Variants in COL8A1 observed in about 807,000 individuals in gnomAD.
COL8A1 encodes collagen type VIII alpha 1 chain.
Under a neutral mutation model 42.7 loss-of-function variants are expected in COL8A1, and 21 were observed. The observed-to-expected ratio is 0.49, with a 90% confidence interval of 0.35 to 0.71. COL8A1 has a LOEUF of 0.71. Ranked by LOEUF, COL8A1 falls within the 30% of genes least tolerant of loss-of-function variation. COL8A1 has a pLI of 0.01. For missense variants in COL8A1, 788 were observed against 962.4 expected, an observed-to-expected ratio of 0.82 and a Z score of 2.40; for synonymous variants, 367 against 369.1, an observed-to-expected ratio of 0.99 and a Z score of 0.06.
At chr3:99,669,146 T>TATATATATATATATATATATAG in intron 1 of COL8A1, among the ~76,000 whole-genome samples, 17 of 115,380 alleles carry the variant, frequency 1.5e-4, no homozygotes, top group East Asian at 6.2e-4. Flanking sequence ...TATATATATA[T>TATATATATATATATATATATAG]AGAGGGAGAG....
chr3:99,772,537 T>G (rs903754745), intron 2 of COL8A1, among the ~76,000 whole-genome samples: 3 of 151,880 alleles, frequency 2.0e-5, no homozygotes, highest in Non-Finnish European at 4.4e-5. Context: ...ATGGGGGAGG[T>G]TGTGCCAGTG....
intron 1 of COL8A1, among the ~76,000 whole-genome samples, chr3:99,738,868 T>C (rs1234977356): frequency 3.3e-5 from 5 of 152,138 alleles, no homozygotes; most frequent in Non-Finnish European, 7.4e-5. Flanking sequence ...GTGCTAGCAA[T>C]CAGCGAGATT....
chr3:99,720,418 A>G (rs1429789520), intron 1 of COL8A1, among the ~76,000 whole-genome samples: 1 of 152,168 alleles, frequency 6.6e-6, no homozygotes, highest in Non-Finnish European at 1.5e-5. Flanking sequence ...TTCATTTAAT[A>G]TGTTATTGTA....
intron 1 of COL8A1, among the ~76,000 whole-genome samples, chr3:99,718,151 G>A (rs937146442): frequency 1.3e-5 from 2 of 151,938 alleles, no homozygotes; most frequent in South Asian, 2.1e-4. Context: ...AGCACCTGTA[G>A]TCCCCAAGAC....
intron 1 of COL8A1, among the ~76,000 whole-genome samples, chr3:99,696,404 G>C (rs184332413): frequency 6.6e-6 from 1 of 152,120 alleles, no homozygotes; most frequent in Non-Finnish European, 1.5e-5. Context: ...ATCTGCTAGG[G>C]GCCCCTACCA....
At chr3:99,730,332 G>A (rs1306226507) in intron 1 of COL8A1, among the ~76,000 whole-genome samples, 1 of 152,118 alleles carries the variant, frequency 6.6e-6, no homozygotes, top group African/African-American at 2.4e-5. Flanking sequence ...AACTGGTGAA[G>A]ATAGGCTATG....
intron 1 of COL8A1, among the ~76,000 whole-genome samples, chr3:99,670,360 A>T (rs1938505984): frequency 6.6e-6 from 1 of 152,090 alleles, no homozygotes; most frequent in South Asian, 2.1e-4. Flanking sequence ...CAGACCTAAT[A>T]ATAGTCAAAT....
intron 1 of COL8A1, among the ~76,000 whole-genome samples, chr3:99,676,250 T>G (rs1217547134): frequency 1.3e-5 from 2 of 152,086 alleles, no homozygotes; most frequent in Non-Finnish European, 2.9e-5. Context: ...GAAGATGAAA[T>G]AACACCAATT....
In COL8A1 at chr3:99,795,892, C is replaced by T. The variant is rs1942098500; in HGVS notation, c.1991C>T (p.Ala664Val). Residue 664 changes from alanine (A) to valine (V), a missense_variant, in exon 4 of 4, where the codon GCA (alanine) becomes GTA (valine). Physicochemically the swap from Ala to Val is moderately conservative, Grantham distance 64 (BLOSUM62 0). Coordinates refer to ENST00000652472, the MANE Select transcript of COL8A1 (RefSeq NM_020351.4). Reference protein sequence around the residue: ...TCEVPGVYYFAYHVHCKGGNV... With the variant: ...TCEVPGVYYFVYHVHCKGGNV... Reference sequence around the variant, plus strand: ...GAGGTCCCTGGTGTCTACTACTTTGCATACCACGTTCACTGCAAGGGGGGC... The same window carrying T: ...GAGGTCCCTGGTGTCTACTACTTTGTATACCACGTTCACTGCAAGGGGGGC... The T allele has an allele frequency of 6.2e-7, 1 of 1,614,080 alleles. No homozygotes were observed. The highest frequency in any genetic ancestry group is 1.7e-5 in the Admixed American group (1 of 60,008).
At position 99,682,534 on chromosome 3, in the gene COL8A1, T is replaced by C. The variant is rs538778997; in HGVS notation, c.-129+43870T>C. ...CATGTTACATCATGATTCTGTATTA[T>C]AAATATTTTAAATCCTTATAAGGTT... is the stretch of plus-strand genomic sequence containing the variant. On this transcript the variant is annotated intron_variant, in intron 1 of 3. Coordinates refer to ENST00000652472, the MANE Select transcript of COL8A1 (RefSeq NM_020351.4). Among the ~76,000 whole-genome samples the C allele has an allele frequency of 9.2e-5, 14 of 152,180 alleles. No homozygotes were observed. In the South Asian group the frequency reaches 1.4e-3, roughly 16 times the overall value.
chr3:99,661,835 A>G (rs1393910247), intron 1 of COL8A1, among the ~76,000 whole-genome samples: 1 of 152,234 alleles, frequency 6.6e-6, no homozygotes, highest in East Asian at 1.9e-4. Context: ...GCTTGAGGAC[A>G]TTATGCAAAG....
At chr3:99,728,710 T>C (rs141612634) in intron 1 of COL8A1, among the ~76,000 whole-genome samples, 1 of 150,096 alleles carries the variant, frequency 6.7e-6, no homozygotes, top group African/African-American at 2.5e-5. Context: ...ATTAATTAAT[T>C]GTATGGTTAA....
At chr3:99,689,583 G>A (rs1939158128) in intron 1 of COL8A1, among the ~76,000 whole-genome samples, 1 of 152,042 alleles carries the variant, frequency 6.6e-6, no homozygotes, top group African/African-American at 2.4e-5. Flanking sequence ...TATTTATTTG[G>A]AATTTATCTT....
At chr3:99,733,464 C>T (rs1417499448) in intron 1 of COL8A1, among the ~76,000 whole-genome samples, 2 of 147,612 alleles carry the variant, frequency 1.4e-5, no homozygotes, top group South Asian at 2.2e-4. Flanking sequence ...CATGTCCCTA[C>T]AAAGGACATG....
At chr3:99,736,711 G>A (rs1440630109) in intron 1 of COL8A1, among the ~76,000 whole-genome samples, 2 of 152,112 alleles carry the variant, frequency 1.3e-5, no homozygotes, top group East Asian at 3.8e-4. Context: ...ATATTCTGTT[G>A]ATTTGGGGTG....
At chr3:99,658,114 C>CAAA (rs1280002372) in intron 1 of COL8A1, among the ~76,000 whole-genome samples, 1 of 93,286 alleles carries the variant, frequency 1.1e-5, no homozygotes, top group Non-Finnish European at 2.4e-5. Context: ...GACTCCATCT[C>CAAA]AAAAAAACAA....
chr3:99,790,887 G>A lies in COL8A1; in HGVS notation c.205G>A (p.Ala69Thr), dbSNP rs570657146. 142 of 1,614,232 alleles carry A rather than the reference G, an allele frequency of 8.8e-5. No individual in the cohort carries two copies. In the South Asian group the frequency reaches 1.4e-3, roughly 15 times the overall value. Residue 69 changes from alanine to threonine, a missense_variant, in exon 3 of 4, where the codon GCC becomes ACC. This residue lies in a region of COL8A1 where 421 missense variants were observed against 553.1 expected (regional missense o/e 0.76). Coordinates refer to ENST00000652472, the MANE Select transcript of COL8A1 (RefSeq NM_020351.4). Reference sequence around the variant, plus strand: ...CATGCCTTTGGCCAAAGATGGCCTTGCCATGGGCAAGGAGATGCCCCACTT... The same window carrying A: ...CATGCCTTTGGCCAAAGATGGCCTTACCATGGGCAAGGAGATGCCCCACTT... ...PHMPLAKDGL[A>T]MGKEMPHLQY...
intron 1 of COL8A1, among the ~76,000 whole-genome samples, chr3:99,723,907 C>T (rs939293163): frequency 3.7e-4 from 57 of 152,116 alleles, no homozygotes; most frequent in African/African-American, 1.2e-3. Flanking sequence ...CCACAAACAG[C>T]ATATACACTA....
chr3:99,766,963 T>A (rs952677804), intron 2 of COL8A1, among the ~76,000 whole-genome samples: 45 of 140,284 alleles, frequency 3.2e-4, no homozygotes, highest in African/African-American at 1.1e-3. Context: ...AAAAAAAAAA[T>A]GATGTCCTCT....
Sources: gnomAD v4.1 joint callset for allele counts (sites outside exome capture counted in the v4.1 genomes callset) on GRCh38, gnomAD v4.1.1 for gene constraint, gnomAD v4.1.1 regional missense constraint, MANE v1.5 for transcripts, NCBI Gene and HGNC (gene_info 2026-07-23, HGNC 2026-07-21) for gene names.